The following MLLT10 variants were observed in gnomAD, a reference collection of about 807,000 sequenced individuals.
The protein encoded by MLLT10 is protein AF-10.
A neutral mutation model predicts 129.1 loss-of-function variants in MLLT10; 30 were observed. The observed-to-expected ratio is 0.23, with a 90% CI of 0.17 to 0.32. MLLT10 has a LOEUF of 0.32. MLLT10 is among the 10% of genes least tolerant of loss of function. The pLI is 1.00. For missense variants in MLLT10, 1,119 were observed against 1,268.3 expected (o/e 0.88, Z 1.79); for synonymous variants, 490 against 446.4 (o/e 1.10, Z -1.23).
At chr10:21,586,818 C>T (rs960362467) in intron 4 of MLLT10, among the ~76,000 whole-genome samples, 3 of 151,312 alleles carry the variant, frequency 2.0e-5, no homozygotes, top group South Asian at 2.1e-4. Context: ...ACTTGGGAGG[C>T]GGAGGTTGCA....
intron 4 of MLLT10, among the ~76,000 whole-genome samples, chr10:21,586,946 T>C (rs2042046055): frequency 6.6e-6 from 1 of 152,124 alleles, no homozygotes; most frequent in Admixed American, 6.5e-5. Flanking sequence ...TTTTTTTTTT[T>C]TGAAAAATGA....
chr10:21,730,126 G>A (rs984829274), intron 16 of MLLT10, among the ~76,000 whole-genome samples: 1 of 147,528 alleles, frequency 6.8e-6, no homozygotes, highest in Non-Finnish European at 1.5e-5. Context: ...CCCCACCGCC[G>A]CCTCCCCGCC....
intron 14 of MLLT10, among the ~76,000 whole-genome samples, chr10:21,717,153 T>G (rs921950263): frequency 1.4e-5 from 2 of 145,414 alleles, no homozygotes; most frequent in African/African-American, 5.1e-5. Flanking sequence ...CTCGGGAGGC[T>G]GAGGCAGGAG....
intron 3 of MLLT10, among the ~76,000 whole-genome samples, chr10:21,548,822 T>A (rs2036515360): frequency 6.6e-6 from 1 of 152,222 alleles, no homozygotes; most frequent in South Asian, 2.1e-4. Flanking sequence ...TCAGGGTATC[T>A]TGCTTTATTG....
chr10:21,695,032 T>C (rs906437049), intron 13 of MLLT10, among the ~76,000 whole-genome samples: 19 of 151,326 alleles, frequency 1.3e-4, no homozygotes, highest in Non-Finnish European at 2.2e-4. Flanking sequence ...CTTTCTCTTC[T>C]GCCGCATCTT....
chr10:21,616,200 G>A (rs942867037), intron 7 of MLLT10, among the ~76,000 whole-genome samples: 2 of 151,798 alleles, frequency 1.3e-5, no homozygotes, highest in African/African-American at 4.8e-5. Flanking sequence ...TTCTTCCTAG[G>A]TGTAATAAGC....
rs187075025 is a variant in MLLT10, at chr10:21,663,024, G to A, written c.796-7425G>A. On this transcript the variant is annotated intron_variant, in intron 9 of 22. Transcript: ENST00000307729. ...TCTGACAAAAACCTCCACAGGTTAGGATCTGGTTAAATAGTTAAATAGCAG... is the reference window on the plus strand; with the variant it reads ...TCTGACAAAAACCTCCACAGGTTAGAATCTGGTTAAATAGTTAAATAGCAG... Among the ~76,000 whole-genome samples the A allele has an allele frequency of 2.0e-3, 304 of 152,284 alleles. 3 individuals carry two copies. Among genetic ancestry groups the A allele is most frequent in the African/African-American group, 6.9e-3 (288 of 41,564 alleles).
chr10:21,579,111 G>A (rs1252117711), intron 3 of MLLT10, among the ~76,000 whole-genome samples: 1 of 152,076 alleles, frequency 6.6e-6, no homozygotes, highest in Non-Finnish European at 1.5e-5. Context: ...TTTTTGAAGG[G>A]CATTGTGGTT....
intron 13 of MLLT10, among the ~76,000 whole-genome samples, chr10:21,699,804 G>A (rs751614148): frequency 2.0e-5 from 3 of 152,040 alleles, no homozygotes; most frequent in Non-Finnish European, 2.9e-5. Flanking sequence ...TTGAAGTGAC[G>A]TAGCATGATG....
chr10:21,698,696 G>GTA (rs2054601549), intron 13 of MLLT10, among the ~76,000 whole-genome samples: 1 of 152,166 alleles, frequency 6.6e-6, no homozygotes, highest in Non-Finnish European at 1.5e-5. Flanking sequence ...TACCAATAGT[G>GTA]TATAAGAGTT....
chr10:21,664,290 G>A lies in MLLT10; in HGVS notation c.796-6159G>A, dbSNP rs1416252653. ...ATCTTGTTAAACATTCTATGTATGT[G>A]TTTTTTTTTTGTTTGCTTTTTGTTT... On this transcript the variant is annotated intron_variant, in intron 9 of 22. Coordinates refer to ENST00000307729, the MANE Select transcript of MLLT10 (RefSeq NM_001195626.3). Among the ~76,000 whole-genome samples the A allele has an allele frequency of 1.1e-4, 15 of 140,244 alleles. No individual in the cohort carries two copies. In the South Asian group the frequency reaches 3.4e-3, roughly 32 times the overall value. The allele number at this position is 140,244 out of a possible 152,430, so 92.0% of individuals were successfully genotyped here.
intron 8 of MLLT10, among the ~76,000 whole-genome samples, chr10:21,628,865 C>A (rs954464948): frequency 1.3e-5 from 2 of 151,192 alleles, no homozygotes; most frequent in Non-Finnish European, 2.9e-5. Flanking sequence ...GCGATTGCCT[C>A]AGCCTCCGCA....
At chr10:21,534,560 C>T (rs1317874158) in intron 1 of MLLT10, 40 bp downstream of exon 1, 9 of 1,059,670 alleles carry the variant, frequency 8.5e-6, no homozygotes, top group African/African-American at 3.0e-5. Flanking sequence ...CGGGGGGCGC[C>T]GGGGCGGGCT....
chr10:21,706,447 A>T (rs1353803196), intron 13 of MLLT10, among the ~76,000 whole-genome samples: 1 of 152,190 alleles, frequency 6.6e-6, no homozygotes, highest in Non-Finnish European at 1.5e-5. Flanking sequence ...AGGTTAAGTT[A>T]TTTGCACGAG....
chr10:21,726,466 A>T (rs1393238378), intron 15 of MLLT10, 111 bp downstream of exon 15: 2 of 631,296 alleles, frequency 3.2e-6, no homozygotes, highest in Non-Finnish European at 5.3e-6. Flanking sequence ...TTAGTAGAGG[A>T]TTTGTACTTT....
intron 3 of MLLT10, among the ~76,000 whole-genome samples, chr10:21,569,752 A>G (rs1181428652): frequency 6.7e-6 from 1 of 149,962 alleles, no homozygotes; most frequent in Non-Finnish European, 1.5e-5. Context: ...ATCTTTTTGT[A>G]GAGACCGGGT....
At chr10:21,537,849 T>C (rs2034340518) in intron 2 of MLLT10, among the ~76,000 whole-genome samples, 1 of 152,234 alleles carries the variant, frequency 6.6e-6, no homozygotes, top group African/African-American at 2.4e-5. Context: ...AGAAGTCTAC[T>C]TGGTTATTAG....
At chr10:21,726,194 A>T in intron 14 of MLLT10, 50 bp from the exon 15 acceptor site, 1 of 1,222,844 alleles carries the variant, frequency 8.2e-7, no homozygotes, top group Non-Finnish European at 1.2e-6. Context: ...GAAAACTTTT[A>T]ATATATTTTC....
intron 2 of MLLT10, among the ~76,000 whole-genome samples, chr10:21,536,909 G>A (rs900104729): frequency 6.6e-6 from 1 of 151,918 alleles, no homozygotes; most frequent in Non-Finnish European, 1.5e-5. Context: ...TCAGCCTCCC[G>A]AGTAGCTGGG....
Sources: gnomAD v4.1 joint callset for allele counts (sites outside exome capture counted in the v4.1 genomes callset) on GRCh38, gnomAD v4.1.1 for gene constraint, MANE v1.5 for transcripts, NCBI Gene and HGNC (gene_info 2026-07-23, HGNC 2026-07-21) for gene names.